The following AKAP19 variants were observed in gnomAD, a reference collection of about 807,000 sequenced individuals.
AKAP19 encodes the protein A-kinase anchoring protein 19.
At chr2:190,099,193 C>T in the AKAP19 span, among the ~76,000 whole-genome samples, 4 of 152,216 alleles carry the variant, frequency 2.6e-5, no homozygotes, top group Admixed American at 2.6e-4. Flanking sequence ...CATAAGAGGC[C>T]TACCTTTCAG....
chr2:190,035,518 A>G, the AKAP19 span, among the ~76,000 whole-genome samples: 1 of 151,256 alleles, frequency 6.6e-6, no homozygotes, highest in South Asian at 2.1e-4. Context: ...GTTCATCACT[A>G]CTCCTGCACA....
the AKAP19 span, among the ~76,000 whole-genome samples, chr2:190,046,701 A>ACAAGTATCT: frequency 6.6e-6 from 1 of 152,230 alleles, no homozygotes; most frequent in Admixed American, 6.5e-5. Flanking sequence ...AACAAAAATC[A>ACAAGTATCT]CAAGTATCTA....
chr2:189,895,915 G>A, the AKAP19 span, among the ~76,000 whole-genome samples: 1 of 151,450 alleles, frequency 6.6e-6, no homozygotes, highest in African/African-American at 2.4e-5. Context: ...AGGGGCTGAG[G>A]CATAAGAATC....
chr2:190,015,865 A>G, the AKAP19 span, among the ~76,000 whole-genome samples: 3 of 152,178 alleles, frequency 2.0e-5, no homozygotes, highest in African/African-American at 4.8e-5. Context: ...TGAAAGTTCC[A>G]CAGATCTCTA....
At chr2:190,199,108 C>T in the AKAP19 span, among the ~76,000 whole-genome samples, 1 of 152,162 alleles carries the variant, frequency 6.6e-6, no homozygotes, top group Non-Finnish European at 1.5e-5. Context: ...GGGATAAAGC[C>T]AGACTCTAAC....
At chr2:190,070,771 G>A in the AKAP19 span, among the ~76,000 whole-genome samples, 1 of 151,950 alleles carries the variant, frequency 6.6e-6, no homozygotes, top group African/African-American at 2.4e-5. Flanking sequence ...AAATTTTTCT[G>A]GAAATCTAAT....
the AKAP19 span, among the ~76,000 whole-genome samples, chr2:190,054,147 C>A: frequency 1.3e-5 from 2 of 151,948 alleles, no homozygotes; most frequent in Non-Finnish European, 2.9e-5. Flanking sequence ...ACTCTAGGAC[C>A]ATATACCCTT....
At chr2:189,989,742 A>C in the AKAP19 span, among the ~76,000 whole-genome samples, 1 of 152,188 alleles carries the variant, frequency 6.6e-6, no homozygotes, top group East Asian at 1.9e-4. Flanking sequence ...AGAAAATCTC[A>C]AAGAATCCTC....
the AKAP19 span, among the ~76,000 whole-genome samples, chr2:190,120,977 T>G: frequency 6.6e-6 from 1 of 152,170 alleles, no homozygotes; most frequent in African/African-American, 2.4e-5. Context: ...TATGTGACTA[T>G]TACCAGCTGC....
At chr2:189,885,575 AC>A in the AKAP19 span, among the ~76,000 whole-genome samples, 1 of 152,178 alleles carries the variant, frequency 6.6e-6, no homozygotes, top group African/African-American at 2.4e-5. Context: ...AAATTGCTGA[AC>A]CATTAAATTT....
the AKAP19 span, among the ~76,000 whole-genome samples, chr2:189,906,317 A>ACAT: frequency 1.3e-5 from 2 of 152,112 alleles, no homozygotes; most frequent in Non-Finnish European, 2.9e-5. Flanking sequence ...TCACTGTAGA[A>ACAT]CATTTGAAGA....
At chr2:190,155,239 T>C in the AKAP19 span, among the ~76,000 whole-genome samples, 2 of 152,254 alleles carry the variant, frequency 1.3e-5, no homozygotes, top group African/African-American at 4.8e-5. Context: ...TCTAAGCTGA[T>C]AGAACCACAG....
the AKAP19 span, among the ~76,000 whole-genome samples, chr2:190,069,558 T>C: frequency 6.6e-5 from 10 of 152,164 alleles, no homozygotes; most frequent in Non-Finnish European, 1.0e-4. Context: ...AAGGTAGTAA[T>C]AGCCTTAGAA....
the AKAP19 span, among the ~76,000 whole-genome samples, chr2:190,038,901 T>TTTCTTTCTTTCTTTCTTTCTTCTTC: frequency 6.5e-5 from 3 of 46,022 alleles, no homozygotes; most frequent in African/African-American, 2.2e-4. Flanking sequence ...TCTTTCTTTC[T>TTTCTTTCTTTCTTTCTTTCTTCTTC]TTCTTCTTCT....
the AKAP19 span, among the ~76,000 whole-genome samples, chr2:190,023,379 T>C: frequency 6.6e-6 from 1 of 152,110 alleles, no homozygotes; most frequent in African/African-American, 2.4e-5. Context: ...TACTTAAAAA[T>C]AGTGTAGTAA....
chr2:190,023,461 A>G, the AKAP19 span, among the ~76,000 whole-genome samples: 37 of 152,248 alleles, frequency 2.4e-4, 2 homozygotes, highest in South Asian at 7.7e-3. Context: ...ATATTTTAAA[A>G]TAAAATCTGA....
chr2:190,114,796 A>C, the AKAP19 span, among the ~76,000 whole-genome samples: 1 of 152,120 alleles, frequency 6.6e-6, no homozygotes, highest in Non-Finnish European at 1.5e-5. Flanking sequence ...TTCCTTCCAA[A>C]CTTTGAAAAT....
At chr2:190,115,150 TGTGA>T in the AKAP19 span, among the ~76,000 whole-genome samples, 2 of 115,618 alleles carry the variant, frequency 1.7e-5, no homozygotes, top group African/African-American at 6.2e-5. Context: ...AGTGTGTGTG[TGTGA>T]GTGTGTGTGT....
At chr2:190,061,220 A>G in the AKAP19 span, among the ~76,000 whole-genome samples, 3 of 152,048 alleles carry the variant, frequency 2.0e-5, no homozygotes, top group Admixed American at 2.0e-4. Flanking sequence ...GGGAAATAAT[A>G]TTTTAAAACT....
Sources: gnomAD v4.1 joint callset for allele counts (sites outside exome capture counted in the v4.1 genomes callset) on GRCh38, gnomAD v4.1.1 for gene constraint, MANE v1.5 for transcripts, NCBI Gene and HGNC (gene_info 2026-07-23, HGNC 2026-07-21) for gene names.